The following SCRN3 variants were observed in gnomAD, a reference collection of about 807,000 sequenced individuals.
The protein encoded by SCRN3 is secernin 3.
SCRN3 carries 39 observed loss-of-function variants against 43.1 expected under a neutral mutation model. That is an observed-to-expected ratio of 0.91 (90% CI 0.70 to 1.18). The LOEUF is 1.18. SCRN3 is among the 50% of genes most tolerant of loss of function. The pLI is 0.00. For missense variants in SCRN3, 484 were observed against 498.0 expected (o/e 0.97, Z 0.27); for synonymous variants, 147 against 163.1 (o/e 0.90, Z 0.75).
intron 5 of SCRN3, 79 bp from the exon 6 acceptor site, chr2:174,422,806 C>A: frequency 1.2e-6 from 1 of 807,056 alleles, no homozygotes; most frequent in South Asian, 2.0e-5. Flanking sequence ...CACATATTAT[C>A]AGTAGAGAAA....
intron 5 of SCRN3, among the ~76,000 whole-genome samples, chr2:174,420,686 A>G (rs922884728): frequency 2.6e-5 from 4 of 152,198 alleles, no homozygotes; most frequent in South Asian, 2.1e-4. Flanking sequence ...TAAGAATCCA[A>G]TAGATTGATT....
Position 174,399,968 on chromosome 2 carries a change from T to C in SCRN3, c.206T>C (p.Val69Ala), listed in dbSNP as rs1475001773. 1.3e-6 allele frequency: 2 copies of C among 1,580,344 alleles called. No individual in the cohort carries two copies. The highest frequency in any genetic ancestry group is 2.4e-5 in the East Asian group (1 of 41,648). ...IDQVPETYAVVLSRPAWLWGA... is the reference protein window; with the variant it reads ...IDQVPETYAVALSRPAWLWGA... ...CAAGTTCCTGAAACATATGCTGTTG[T>C]CCTGAGTCGCCCAGCGTGGTTGTGG... Residue 69 changes from valine to alanine, a missense_variant, in exon 3 of 8, where the codon GTC (valine) becomes GCC (alanine). Val to Ala is a moderately conservative substitution (Grantham distance 64). Coordinates refer to ENST00000272732, the MANE Select transcript of SCRN3 (RefSeq NM_024583.5).
Position 174,404,272 on chromosome 2 carries a change from A to T in SCRN3, c.711A>T (p.Ser237=). 1.9e-6 allele frequency: 3 copies of T among 1,613,864 alleles called. No individual in the cohort carries two copies. Among genetic ancestry groups the T allele is most frequent in the Non-Finnish European group, 2.5e-6 (3 of 1,179,790 alleles). The part of the protein sequence containing the change: ...YLDTAKMMTS[S]GRYCEGYKLL... The stretch of plus-strand genomic sequence containing the variant: ...ACACAGCCAAGATGATGACTTCATC[A>T]GGCAGATACTGTGAGGGCTACAAGC... The change falls in exon 5 of 8, where the codon TCA becomes TCT. Residue 237 remains serine (S), a synonymous_variant. Coordinates refer to ENST00000272732, the MANE Select transcript of SCRN3 (RefSeq NM_024583.5).
intron 1 of SCRN3, chr2:174,397,387 C>T (rs1685362302): frequency 1.1e-6 from 1 of 945,456 alleles, no homozygotes; most frequent in Admixed American, 6.2e-5. Flanking sequence ...TAAGATTTTC[C>T]AAGTTACAAC....
At position 174,401,188 on chromosome 2, in the gene SCRN3, AGG is replaced by A; in HGVS notation, c.541_541+1del. ...AGTACTGGGCAGCAGAAAAAGTACA[AGG>A]TATGGACAACTTTTTGTGATTTAAC... On this transcript the variant is annotated splice_donor_variant and coding_sequence_variant, in exon 4 of 8. Coordinates refer to ENST00000272732, the MANE Select transcript of SCRN3 (RefSeq NM_024583.5). LOFTEE classifies it high-confidence loss of function. The A allele has an allele frequency of 6.2e-7, 1 of 1,612,658 alleles. No homozygotes were observed. The highest frequency in any genetic ancestry group is 8.5e-7 in the Non-Finnish European group (1 of 1,178,940).
chr2:174,402,631 G>A (rs1307512630), intron 4 of SCRN3, among the ~76,000 whole-genome samples: 1 of 152,180 alleles, frequency 6.6e-6, no homozygotes, highest in Non-Finnish European at 1.5e-5. Flanking sequence ...CGAGGCTGCA[G>A]TGAGCTATTA....
In SCRN3 at chr2:174,401,146, T is replaced by A; in HGVS notation, c.498T>A (p.Ile166=). The change falls in exon 4 of 8, where the codon ATT becomes ATA. Residue 166 remains isoleucine (I), a synonymous_variant. Transcript: ENST00000272732. ...TAGCTGATAGGAATGAAGCCTGGAT[T>A]CTGGAGACTGCAGGGAAGTACTGGG... ...FLIADRNEAW[I]LETAGKYWAA... is the part of the protein sequence containing the mutation. 1 of 1,613,966 alleles carries A rather than the reference T, an allele frequency of 6.2e-7. No homozygotes were observed. Among genetic ancestry groups the A allele is most frequent in the East Asian group, 2.2e-5 (1 of 44,858 alleles).
At chr2:174,406,772 C>G (rs1043944515) in intron 5 of SCRN3, among the ~76,000 whole-genome samples, 8 of 132,450 alleles carry the variant, frequency 6.0e-5, no homozygotes, top group African/African-American at 2.1e-4. Context: ...TATTGATTTG[C>G]GTATATTGAA....
intron 6 of SCRN3, among the ~76,000 whole-genome samples, chr2:174,423,749 G>T (rs567032357): frequency 6.7e-6 from 1 of 149,238 alleles, no homozygotes; most frequent in Admixed American, 6.7e-5. Flanking sequence ...GATTACAGGC[G>T]TGAGCCACCG....
Position 174,395,823 on chromosome 2 carries a change from G to GC in SCRN3, c.-10+6_-10+7insC. ...TCGGGTAGCTGGGAGGCCAGGTGAGGGGCGCGCACGGGGGAGGGGCGTGCA... is the reference window on the plus strand; with the variant it reads ...TCGGGTAGCTGGGAGGCCAGGTGAGGCGGCGCGCACGGGGGAGGGGCGTGCA... On this transcript the variant is annotated splice_region_variant and intron_variant, in intron 1 of 7. Coordinates refer to ENST00000272732, the MANE Select transcript of SCRN3 (RefSeq NM_024583.5). 3 of 1,520,522 alleles carry GC rather than the reference G, an allele frequency of 2.0e-6. No homozygotes were observed. The highest frequency in any genetic ancestry group is 2.7e-6 in the Non-Finnish European group (3 of 1,131,890). 94.2% of individuals were successfully genotyped at this position (1,520,522 alleles called of 1,614,324 possible).
chr2:174,406,310 T>A (rs1243904797), intron 5 of SCRN3, among the ~76,000 whole-genome samples: 1 of 141,042 alleles, frequency 7.1e-6, no homozygotes, highest in Non-Finnish European at 1.6e-5. Context: ...ATTGATTTTG[T>A]ATCCTGAGAC....
At chr2:174,397,318 AT>A (rs1467510026) in intron 1 of SCRN3, 1 of 985,150 alleles carries the variant, frequency 1.0e-6, no homozygotes, top group Admixed American at 6.1e-5. Context: ...CTGTAAAACA[AT>A]GTGTCTGTTC....
rs1323563264 is a variant in SCRN3 at position 174,404,320 on chromosome 2, T to C, written c.754+5T>C. 1 of 1,591,822 alleles carries C rather than the reference T, an allele frequency of 6.3e-7. No individual in the cohort carries two copies. Among genetic ancestry groups the C allele is most frequent in the East Asian group, 2.2e-5 (1 of 44,628 alleles). On this transcript the variant is annotated splice_donor_5th_base_variant and intron_variant, in intron 5 of 7. Coordinates refer to ENST00000272732, the MANE Select transcript of SCRN3 (RefSeq NM_024583.5). ...AGCTTCTAAATAAGCACAAAGGTAATTTTATCATATAAATAATATTAGGAT... is the reference window on the plus strand; with the variant it reads ...AGCTTCTAAATAAGCACAAAGGTAACTTTATCATATAAATAATATTAGGAT...
At chr2:174,416,054 G>A (rs1686094231) in intron 5 of SCRN3, among the ~76,000 whole-genome samples, 1 of 152,148 alleles carries the variant, frequency 6.6e-6, no homozygotes, top group South Asian at 2.1e-4. Context: ...GTTATTATGA[G>A]GGTGTGGCCA....
chr2:174,428,105 G>C lies in SCRN3; in HGVS notation c.*210G>C. 1 of 346,720 alleles carries C rather than the reference G, an allele frequency of 2.9e-6. No individual in the cohort carries two copies. The highest frequency in any genetic ancestry group is 2.1e-5 in the African/African-American group (1 of 48,032). 21.5% of individuals were successfully genotyped at this position (346,720 alleles called of 1,614,324 possible). A position where few individuals can be genotyped will look rare whatever the true frequency, so the allele number is the denominator to read the frequency against. On this transcript the variant is annotated 3_prime_UTR_variant, in exon 8 of 8. Coordinates refer to ENST00000272732, the MANE Select transcript of SCRN3 (RefSeq NM_024583.5). ...AGCATTGGAATTGGATTCATGTATCGTGGGATACAGGTGTTATTTCAGGTG... is the reference window on the plus strand; with the variant it reads ...AGCATTGGAATTGGATTCATGTATCCTGGGATACAGGTGTTATTTCAGGTG...
chr2:174,427,266 C>T (rs1686519498), intron 7 of SCRN3, among the ~76,000 whole-genome samples: 1 of 152,086 alleles, frequency 6.6e-6, no homozygotes, highest in African/African-American at 2.4e-5. Flanking sequence ...AGGATGAAGT[C>T]ATAGAGGAAA....
At chr2:174,403,258 A>C (rs1309033847) in intron 4 of SCRN3, among the ~76,000 whole-genome samples, 1 of 152,120 alleles carries the variant, frequency 6.6e-6, no homozygotes, top group Admixed American at 6.5e-5. Context: ...GACTGAAATA[A>C]AGGTAAGAAT....
rs911464597 is a variant in SCRN3 at position 174,427,978 on chromosome 2, TA to T, written c.*84del. On this transcript the variant is annotated 3_prime_UTR_variant, in exon 8 of 8. Transcript: ENST00000272732. ...GTCAGAATCTATCACCTTGGTAAAT[TA>T]TATAAACCTAACTTGAGCAGATCTG... The T allele has an allele frequency of 4.4e-6, 4 of 918,550 alleles. No individual in the cohort carries two copies. In the African/African-American group the frequency reaches 4.9e-5, roughly 11 times the overall value. The allele number at this position is 918,550 out of a possible 1,614,324, so 56.9% of individuals were successfully genotyped here. A position where few individuals can be genotyped will look rare whatever the true frequency, so the allele number is the denominator to read the frequency against.
intron 5 of SCRN3, among the ~76,000 whole-genome samples, chr2:174,412,091 A>G (rs932781134): frequency 6.6e-6 from 1 of 151,854 alleles, no homozygotes; most frequent in Non-Finnish European, 1.5e-5. Flanking sequence ...CTTTCGGAGG[A>G]GTCTTAAAAG....
Sources: allele counts gnomAD v4.1 joint callset (sites outside exome capture counted in the v4.1 genomes callset), GRCh38; gene constraint gnomAD v4.1.1; transcripts MANE v1.5; gene names NCBI Gene and HGNC (gene_info 2026-07-23, HGNC 2026-07-21).